FAAH2: variants seen among roughly 807,000 people sequenced by gnomAD.
FAAH2 encodes the protein fatty-acid amide hydrolase 2.
FAAH2 carries 60 observed loss-of-function variants against 36.9 expected under a neutral mutation model. The ratio of observed to expected loss-of-function variants is 1.63; its 90% confidence interval spans 1.32 to 2.02. The LOEUF is 2.02. FAAH2 is among the 30% of genes most tolerant of loss of function. The pLI is 0.00. For missense variants in FAAH2, 689 were observed against 397.5 expected (o/e 1.73, Z -6.23); for synonymous variants, 214 against 143.8 (o/e 1.49, Z -3.49).
At chrX:57,399,443 C>T (rs2055380796) in intron 7 of FAAH2, among the ~76,000 whole-genome samples, 1 of 112,023 alleles carries the variant, frequency 8.9e-6, no homozygotes, top group Non-Finnish European at 1.9e-5. Flanking sequence ...GGGGAGGAAA[C>T]TATGTCCTTG....
the FAAH2 span, among the ~76,000 whole-genome samples, chrX:57,124,753 T>A: frequency 8.9e-6 from 1 of 111,790 alleles, no homozygotes; most frequent in East Asian, 2.8e-4. Flanking sequence ...GGTATTTTAT[T>A]CTCTTTGAAG....
chrX:57,366,747 CAG>C (rs2054427908), intron 5 of FAAH2, among the ~76,000 whole-genome samples: 1 of 112,451 alleles, frequency 8.9e-6, no homozygotes, highest in Non-Finnish European at 1.9e-5. Flanking sequence ...TGCTGGTAAA[CAG>C]TGGAGGCTGC....
At chrX:57,144,116 A>C in the FAAH2 span, among the ~76,000 whole-genome samples, 131 of 112,087 alleles carry the variant, frequency 1.2e-3, no homozygotes, top group African/African-American at 4.1e-3. Flanking sequence ...TTCCTTCTGC[A>C]CTTTCAATAT....
the FAAH2 span, among the ~76,000 whole-genome samples, chrX:57,158,169 G>C: frequency 9.0e-6 from 1 of 111,725 alleles, no homozygotes; most frequent in Non-Finnish European, 1.9e-5. Flanking sequence ...CCCTACAAAG[G>C]ACATGAACTC....
chrX:57,213,174 A>G, the FAAH2 span, among the ~76,000 whole-genome samples: 1 of 111,021 alleles, frequency 9.0e-6, no homozygotes, highest in Non-Finnish European at 1.9e-5. Flanking sequence ...ATCAGTTGTA[A>G]TGTCTCCTTT....
chrX:57,465,096 T>C (rs910609851), intron 10 of FAAH2, among the ~76,000 whole-genome samples: 11 of 111,675 alleles, frequency 9.9e-5, no homozygotes, highest in African/African-American at 3.6e-4. Flanking sequence ...TGAAAATTAA[T>C]TAAAATTAAA....
intron 10 of FAAH2, among the ~76,000 whole-genome samples, chrX:57,469,982 C>T (rs781469516): frequency 1.8e-5 from 2 of 111,713 alleles, no homozygotes; most frequent in South Asian, 7.5e-4. Flanking sequence ...AACTGAAGAA[C>T]CTCCTCCTGA....
intron 1 of FAAH2, 87 bp downstream of exon 1, chrX:57,287,104 T>C: frequency 4.0e-6 from 4 of 990,444 alleles, no homozygotes; most frequent in South Asian, 2.7e-5. Context: ...TGTGGTTTCC[T>C]TTCCATTCTC....
At chrX:57,149,370 G>C in the FAAH2 span, among the ~76,000 whole-genome samples, 2 of 111,830 alleles carry the variant, frequency 1.8e-5, no homozygotes, top group African/African-American at 6.5e-5. Flanking sequence ...GAATTCGGCT[G>C]TGAATCCATC....
intron 10 of FAAH2, among the ~76,000 whole-genome samples, chrX:57,485,501 G>A (rs1431325455): frequency 8.9e-6 from 1 of 111,882 alleles, no homozygotes; most frequent in African/African-American, 3.2e-5. Flanking sequence ...TGTGCTGAAG[G>A]CTGCAGAAGT....
At chrX:57,148,960 T>C in the FAAH2 span, among the ~76,000 whole-genome samples, 1 of 112,048 alleles carries the variant, frequency 8.9e-6, no homozygotes, top group Non-Finnish European at 1.9e-5. Flanking sequence ...TGAGAGTTTT[T>C]AGCATGAAGA....
chrX:57,422,932 G>A lies in FAAH2; in HGVS notation c.997-8986G>A, dbSNP rs183416741. On this transcript the variant is annotated intron_variant, in intron 7 of 10. Transcript: ENST00000374900. ...GAAACTTTAAAAATTTTAGCCAGCA[G>A]CAGCCCATGCTATGGGTGGGTCCAA... Among the ~76,000 whole-genome samples the A allele has an allele frequency of 6.1e-4, 69 of 112,529 alleles. 1 individual carries two copies. The highest frequency in any genetic ancestry group is 2.2e-3 in the African/African-American group (67 of 30,998).
At chrX:57,386,199 A>G (rs1014443702) in intron 7 of FAAH2, among the ~76,000 whole-genome samples, 3 of 111,713 alleles carry the variant, frequency 2.7e-5, no homozygotes, top group Non-Finnish European at 3.8e-5. Context: ...CATAGAAAAT[A>G]CTGCCAATAA....
chrX:57,372,211 G>T lies in FAAH2; in HGVS notation c.743-6440G>T, dbSNP rs372176527. Among the ~76,000 whole-genome samples the T allele has an allele frequency of 4.5e-5, 5 of 111,392 alleles. No individual in the cohort carries two copies. The East Asian group carries it at 1.4e-3, about 31-fold the overall frequency. On this transcript the variant is annotated intron_variant, in intron 5 of 10. Coordinates refer to ENST00000374900, the MANE Select transcript of FAAH2 (RefSeq NM_174912.4). ...TAGTAGTTCTATTTTTTAGTTATTT[G>T]AGTAATCACCAAACTGCCTTCCAAA... is the stretch of plus-strand genomic sequence containing the variant.
chrX:57,483,156 G>A (rs1226869748), intron 10 of FAAH2, among the ~76,000 whole-genome samples: 3 of 110,910 alleles, frequency 2.7e-5, no homozygotes, highest in Non-Finnish European at 3.8e-5. Context: ...TATGTTATAG[G>A]TTTTGTTGCT....
At chrX:57,258,252 T>A in the FAAH2 span, among the ~76,000 whole-genome samples, 3 of 111,024 alleles carry the variant, frequency 2.7e-5, no homozygotes, top group African/African-American at 9.8e-5. Flanking sequence ...ATGAAAAAAA[T>A]GAAACTGGAT....
chrX:57,162,786 C>T, the FAAH2 span, among the ~76,000 whole-genome samples: 1 of 112,153 alleles, frequency 8.9e-6, no homozygotes, highest in Non-Finnish European at 1.9e-5. Context: ...AAGTTTTCAA[C>T]TACTTTGCAT....
intron 10 of FAAH2, among the ~76,000 whole-genome samples, chrX:57,458,558 T>C (rs945813369): frequency 1.8e-5 from 2 of 111,830 alleles, no homozygotes; most frequent in Non-Finnish European, 3.8e-5. Context: ...TGAATAGGAA[T>C]AGCAGCTTCA....
At chrX:57,312,801 C>A (rs917530741) in intron 3 of FAAH2, among the ~76,000 whole-genome samples, 6 of 111,709 alleles carry the variant, frequency 5.4e-5, no homozygotes, top group Middle Eastern at 9.3e-3. Flanking sequence ...TAAATCAGTG[C>A]AAGAACTCTG....
Sources: gnomAD v4.1 joint callset for allele counts (sites outside exome capture counted in the v4.1 genomes callset) on GRCh38, gnomAD v4.1.1 for gene constraint, MANE v1.5 for transcripts, NCBI Gene and HGNC (gene_info 2026-07-23, HGNC 2026-07-21) for gene names.